STRA8: variants seen among roughly 807,000 people sequenced by gnomAD.
STRA8 encodes stimulated by retinoic acid gene 8 protein homolog.
Under a neutral mutation model 37.1 loss-of-function variants are expected in STRA8, and 18 were observed. The observed-to-expected ratio is 0.48, with a 90% CI of 0.34 to 0.72. The LOEUF (loss-of-function observed/expected upper bound fraction) is 0.72, where lower values mean the gene tolerates loss of function less well. Among genes scored for constraint, STRA8 ranks in the 30% least tolerant of loss-of-function variants. The pLI is 0.01. For missense variants in STRA8, 357 were observed against 410.4 expected (o/e 0.87, Z 1.13); for synonymous variants, 168 against 162.9 (o/e 1.03, Z -0.24).
At chr7:135,241,411 C>T (rs1832462294) in intron 2 of STRA8, among the ~76,000 whole-genome samples, 1 of 152,174 alleles carries the variant, frequency 6.6e-6, no homozygotes, top group Non-Finnish European at 1.5e-5. Context: ...CACTAGAATC[C>T]TTGGAATCTA....
Position 135,246,768 on chromosome 7 carries a change from A to C in STRA8, c.879+66A>C, listed in dbSNP as rs1175300138. The C allele has an allele frequency of 7.0e-7, 1 of 1,434,576 alleles. No homozygotes were observed. Among genetic ancestry groups the C allele is most frequent in the African/African-American group, 1.5e-5 (1 of 68,910 alleles). The allele number at this position is 1,434,576 out of a possible 1,614,324, so 88.9% of individuals were successfully genotyped here. A position where few individuals can be genotyped will look rare whatever the true frequency, so the allele number is the denominator to read the frequency against. ...ACCACCCTCGCCCTCGCCTGGGGAC[A>C]CCAGGGCTTTGCATTTAGCAGGTTG... On this transcript the variant is annotated intron_variant, in intron 6 of 8. Coordinates refer to ENST00000662584, the MANE Select transcript of STRA8 (RefSeq NM_001394401.1). This position sits in a 1 kb window ranked among gnomAD's most constrained non-coding sequence, Gnocchi z 5.4.
At chr7:135,232,157 C>A, upstream of STRA8, 1 of 993,390 alleles carries the variant, frequency 1.0e-6, no homozygotes. Context: ...AAGGTTGAGG[C>A]AGGTCAGAGG....
Position 135,246,635 on chromosome 7 carries a change from G to A in STRA8, c.812G>A (p.Gly271Asp), listed in dbSNP as rs888368113. ...EACREPACAE[G>D]SVKDSGVDSQ... ...TGCCGAGAGCCGGCCTGTGCCGAGG[G>A]CAGCGTGAAGGACAGCGGCGTGGAC... The change falls in exon 6 of 9, where the codon GGC (glycine) becomes GAC (aspartate). Residue 271 changes from glycine to aspartate, a missense_variant. Gly to Asp is a moderately conservative substitution (Grantham distance 94). Coordinates refer to ENST00000662584, the MANE Select transcript of STRA8 (RefSeq NM_001394401.1). This position sits in a 1 kb window ranked among gnomAD's most constrained non-coding sequence, Gnocchi z 5.4. 3 of 1,539,108 alleles carry A rather than the reference G, an allele frequency of 1.9e-6. No individual in the cohort carries two copies. In the African/African-American group the frequency reaches 4.1e-5, roughly 21 times the overall value.
At chr7:135,247,520 C>G (rs1299313613) in intron 6 of STRA8, among the ~76,000 whole-genome samples, 1 of 152,180 alleles carries the variant, frequency 6.6e-6, no homozygotes, top group Non-Finnish European at 1.5e-5. Context: ...TACGAAAGCT[C>G]TTTCTTAAGA....
chr7:135,246,758 G>T lies in STRA8; in HGVS notation c.879+56G>T, dbSNP rs184902589. 2 of 1,458,252 alleles carry T rather than the reference G, an allele frequency of 1.4e-6. No homozygotes were observed. The highest frequency in any genetic ancestry group is 5.5e-5 in the Admixed American group (2 of 36,464). The allele number at this position is 1,458,252 out of a possible 1,614,324, so 90.3% of individuals were successfully genotyped here. ...GGGCACGGGAACCACCCTCGCCCTC[G>T]CCTGGGGACACCAGGGCTTTGCATT... On this transcript the variant is annotated intron_variant, in intron 6 of 8. Transcript: ENST00000662584. The surrounding 1 kb of genome is among the most constrained non-coding windows in gnomAD (Gnocchi z 5.4).
chr7:135,246,573 G>C lies in STRA8; in HGVS notation c.750G>C (p.Ala250=). The C allele has an allele frequency of 6.4e-7, 1 of 1,552,250 alleles. No homozygotes were observed. The highest frequency in any genetic ancestry group is 1.4e-5 in the African/African-American group (1 of 73,332). The change falls in exon 6 of 9, where the codon GCG becomes GCC. Residue 250 remains alanine, a synonymous_variant. Coordinates refer to ENST00000662584, the MANE Select transcript of STRA8 (RefSeq NM_001394401.1). This position sits in a 1 kb window ranked among gnomAD's most constrained non-coding sequence, Gnocchi z 5.4. The stretch of plus-strand genomic sequence containing the variant: ...AGGCCAGCCTCCGGCAGGCCTGGGC[G>C]CAGAAGCACCGCGGCCCTGCGACCC... ...ERKASLRQAW[A]QKHRGPATLA...
intron 5 of STRA8, among the ~76,000 whole-genome samples, 191 bp downstream of exon 5, chr7:135,245,718 G>C (rs182988400): frequency 1.3e-5 from 2 of 152,320 alleles, no homozygotes; most frequent in East Asian, 1.9e-4. Flanking sequence ...GACTGGCAGA[G>C]AGGCTAGAGA....
chr7:135,254,733 G>T (rs1415334644), intron 7 of STRA8, among the ~76,000 whole-genome samples: 1 of 152,216 alleles, frequency 6.6e-6, no homozygotes, highest in East Asian at 1.9e-4. Flanking sequence ...CTGAGCAGTG[G>T]CAACTCAGTG....
At chr7:135,250,130 G>A (rs1174535713) in intron 6 of STRA8, among the ~76,000 whole-genome samples, 14 of 152,352 alleles carry the variant, frequency 9.2e-5, no homozygotes, top group South Asian at 4.1e-4. Flanking sequence ...CCAGCAGCAC[G>A]GTCAGATGGG....
rs767331592 is a variant in STRA8, at chr7:135,240,549, A to C, written c.25A>C (p.Asn9His). 6.2e-7 allele frequency: 1 copy of C among 1,613,666 alleles called. No individual in the cohort carries two copies. The highest frequency in any genetic ancestry group is 1.1e-5 in the South Asian group (1 of 91,068). MATPEENS[N>H]PHDRATPQLP... ...AATGGCAACCCCTGAAGAAAACAGC[A>C]ATCCCCATGACAGAGCAACACCCCA... The change falls in exon 2 of 9, where the codon AAT becomes CAT. Residue 9 changes from asparagine (N) to histidine (H), a missense_variant. By Grantham distance (68) the Asn-to-His change is moderately conservative. Transcript: ENST00000662584.
At chr7:135,254,742 T>A (rs553944186) in intron 7 of STRA8, among the ~76,000 whole-genome samples, 45 of 152,302 alleles carry the variant, frequency 3.0e-4, no homozygotes, top group African/African-American at 1.1e-3. Flanking sequence ...GGCAACTCAG[T>A]GAACTGAACT....
intron 1 of STRA8, among the ~76,000 whole-genome samples, chr7:135,237,908 C>CA (rs373350980): frequency 1.0e-3 from 152 of 145,310 alleles, no homozygotes; most frequent in South Asian, 5.5e-3. Context: ...AAAAACAAAA[C>CA]AAAAAAAAAA....
rs927539317 is a variant in STRA8, at chr7:135,245,449, A to C, written c.515A>C (p.Glu172Ala). 1.4e-6 allele frequency: 1 copy of C among 726,544 alleles called. No homozygotes were observed. The highest frequency in any genetic ancestry group is 1.7e-5 in the African/African-American group (1 of 57,552). The allele number at this position is 726,544 out of a possible 1,614,324, so 45.0% of individuals were successfully genotyped here. ...EEEEEEEEEE[E>A]EEEEEEKKVI... ...GAGGAGGAAGAGGAGGAAGAGGAAG[A>C]GGAGGAGGAGGAAGAGGAGAAAAAA... Residue 172 changes from glutamate to alanine, a missense_variant, in exon 5 of 9, where the codon GAG becomes GCG. Glu to Ala is a moderately radical substitution (Grantham distance 107, BLOSUM62 -1). Transcript: ENST00000662584.
Position 135,255,244 on chromosome 7 carries a change from C to T in STRA8, c.1065+19C>T. ...AAAGCAGGTAGGATGGAGTAGAGGG[C>T]CGTGGTACCTCTGCCCACCTTGCTT... On this transcript the variant is annotated intron_variant, in intron 8 of 8. Coordinates refer to ENST00000662584, the MANE Select transcript of STRA8 (RefSeq NM_001394401.1). 1.3e-6 allele frequency: 2 copies of T among 1,570,246 alleles called. No homozygotes were observed. Among genetic ancestry groups the T allele is most frequent in the Non-Finnish European group, 1.8e-6 (2 of 1,140,464 alleles).
intron 1 of STRA8, among the ~76,000 whole-genome samples, chr7:135,237,647 A>G (rs540624932): frequency 6.6e-6 from 1 of 152,252 alleles, no homozygotes; most frequent in South Asian, 2.1e-4. Flanking sequence ...TAAACCTTGC[A>G]CTTTGGGAGG....
Position 135,246,693 on chromosome 7 carries a change from G to A in STRA8, c.870G>A (p.Thr290=). Residue 290 remains threonine (T), a synonymous_variant, in exon 6 of 9, where the codon ACG becomes ACA. Coordinates refer to ENST00000662584, the MANE Select transcript of STRA8 (RefSeq NM_001394401.1). The surrounding 1 kb of genome is among the most constrained non-coding windows in gnomAD (Gnocchi z 5.4). ...SQGASCSLVS[T]PEEILFEDAF... is the part of the protein sequence containing the mutation. The stretch of plus-strand genomic sequence containing the variant: ...GGGCCAGCTGCTCGCTGGTCTCCAC[G>A]CCCGAGGAGGTGAGCAGGCCCACCG... 1 of 1,521,894 alleles carries A rather than the reference G, an allele frequency of 6.6e-7. No homozygotes were observed. Among genetic ancestry groups the A allele is most frequent in the Non-Finnish European group, 8.8e-7 (1 of 1,142,226 alleles). 94.3% of individuals were successfully genotyped at this position (1,521,894 alleles called of 1,614,324 possible). A position where few individuals can be genotyped will look rare whatever the true frequency, so the allele number is the denominator to read the frequency against.
chr7:135,240,637 G>C lies in STRA8; in HGVS notation c.113G>C (p.Arg38Pro). The change falls in exon 2 of 9, where the codon CGC becomes CCC. Residue 38 changes from arginine to proline, a missense_variant. Physicochemically the swap from Arg to Pro is moderately radical, Grantham distance 103. Transcript: ENST00000662584. The stretch of plus-strand genomic sequence containing the variant: ...GCCCGGAGACGGCTGTCCCAGGCCC[G>C]CCACCGAGCCACCCTGGCAGCGCTC... ...RVARRRLSQA[R>P]HRATLAALFN... The C allele has an allele frequency of 6.2e-7, 1 of 1,614,082 alleles. No individual in the cohort carries two copies. The highest frequency in any genetic ancestry group is 8.5e-7 in the Non-Finnish European group (1 of 1,180,012).
At chr7:135,237,224 T>C (rs1050584433) in intron 1 of STRA8, among the ~76,000 whole-genome samples, 1 of 152,206 alleles carries the variant, frequency 6.6e-6, no homozygotes, top group Non-Finnish European at 1.5e-5. Flanking sequence ...TTTTCAAGGC[T>C]ATTAAAATGC....
chr7:135,235,746 A>G (rs1393741341), intron 1 of STRA8, among the ~76,000 whole-genome samples: 3 of 152,174 alleles, frequency 2.0e-5, no homozygotes, highest in Non-Finnish European at 2.9e-5. Context: ...CCAGCTGATC[A>G]TGACCTTTTA....
Sources: gnomAD v4.1 joint callset for allele counts (sites outside exome capture counted in the v4.1 genomes callset) on GRCh38, gnomAD v4.1.1 for gene constraint, Gnocchi (gnomAD v3.1) non-coding constraint, MANE v1.5 for transcripts, NCBI Gene and HGNC (gene_info 2026-07-23, HGNC 2026-07-21) for gene names.